COBL: variants seen among roughly 807,000 people sequenced by gnomAD.
COBL encodes the protein protein cordon-bleu.
In COBL, 51 loss-of-function variants were observed where a neutral mutation model predicts 98.8. The ratio of observed to expected loss-of-function variants is 0.52; its 90% CI spans 0.41 to 0.65. The LOEUF (loss-of-function observed/expected upper bound fraction) is 0.65, where lower values mean the gene tolerates loss of function less well. Ranked by LOEUF, COBL falls within the 30% of genes least tolerant of loss-of-function variation. The pLI is 0.00. For missense variants in COBL, 1,617 were observed against 1,617.5 expected (o/e 1.00, Z 0.01); for synonymous variants, 634 against 651.7 (o/e 0.97, Z 0.41).
intron 7 of COBL, among the ~76,000 whole-genome samples, chr7:51,054,919 C>A (rs779814464): frequency 6.6e-6 from 1 of 152,204 alleles, no homozygotes; most frequent in African/African-American, 2.4e-5. Context: ...CAGCCTTCCT[C>A]GTTTCAGCAG....
chr7:51,109,442 C>T (rs767357874), intron 6 of COBL, among the ~76,000 whole-genome samples: 1 of 152,144 alleles, frequency 6.6e-6, no homozygotes, highest in Admixed American at 6.5e-5. Context: ...CCATCTCGCT[C>T]GCCACCTTCA....
chr7:51,049,134 G>A (rs535881762), intron 7 of COBL, among the ~76,000 whole-genome samples: 1 of 152,208 alleles, frequency 6.6e-6, no homozygotes, highest in African/African-American at 2.4e-5. Context: ...AACTCAGTTA[G>A]ATCCTTTGTC....
chr7:51,267,706 TG>T (rs1798355269), intron 1 of COBL, among the ~76,000 whole-genome samples: 1 of 151,988 alleles, frequency 6.6e-6, no homozygotes, highest in African/African-American at 2.4e-5. Context: ...TCCAAGAAGC[TG>T]GGATTACAGG....
intron 1 of COBL, among the ~76,000 whole-genome samples, chr7:51,248,392 C>A (rs987548457): frequency 2.6e-5 from 4 of 152,052 alleles, no homozygotes; most frequent in African/African-American, 9.7e-5. Flanking sequence ...CTTTGCAGTT[C>A]CTCAAGGAGA....
At chr7:51,124,345 C>T (rs1798009113) in intron 6 of COBL, among the ~76,000 whole-genome samples, 1 of 152,042 alleles carries the variant, frequency 6.6e-6, no homozygotes, top group Non-Finnish European at 1.5e-5. Flanking sequence ...TGGAGATTAG[C>T]AATCTCCAAT....
chr7:51,186,480 G>A lies in COBL; in HGVS notation c.686-2281C>T, dbSNP rs575121224. On this transcript the variant is annotated intron_variant, in intron 4 of 12. Transcript: ENST00000265136. ...TATTACACCGACCACAGAAAGGACAGACTGCATCAGAAAACTGCAATGAGA... is the reference window on the plus strand; with the variant it reads ...TATTACACCGACCACAGAAAGGACAAACTGCATCAGAAAACTGCAATGAGA... Among the ~76,000 whole-genome samples, 3 of 152,330 alleles carry A rather than the reference G, an allele frequency of 2.0e-5. No homozygotes were observed. In the East Asian group the frequency reaches 5.8e-4, roughly 29 times the overall value.
At chr7:51,046,221 C>T (rs1053844013) in intron 7 of COBL, among the ~76,000 whole-genome samples, 1 of 152,162 alleles carries the variant, frequency 6.6e-6, no homozygotes, top group Non-Finnish European at 1.5e-5. Context: ...CCAGGCAGAC[C>T]TCCCCACAGT....
intron 3 of COBL, 80 bp downstream of exon 3, chr7:51,193,299 A>G (rs1790290492): frequency 7.8e-7 from 1 of 1,285,036 alleles, no homozygotes; most frequent in African/African-American, 1.5e-5. Flanking sequence ...CTGTACTTTG[A>G]TAAGAAGAGC....
intron 1 of COBL, among the ~76,000 whole-genome samples, chr7:51,279,188 A>C (rs536278582): frequency 6.6e-6 from 1 of 152,218 alleles, no homozygotes; most frequent in Non-Finnish European, 1.5e-5. Context: ...TTCATCATGA[A>C]GTTTCAGCAT....
At chr7:51,075,411 A>G (rs1287692150) in intron 7 of COBL, among the ~76,000 whole-genome samples, 1 of 152,216 alleles carries the variant, frequency 6.6e-6, no homozygotes, top group Non-Finnish European at 1.5e-5. Flanking sequence ...TATTTTTACT[A>G]TTCTAAAGCA....
rs922504234 is a variant in COBL at position 51,313,805 on chromosome 7, G to C, written c.41+2788C>G. Among the ~76,000 whole-genome samples the C allele has an allele frequency of 2.6e-5, 4 of 152,210 alleles. 1 individual carries two copies. The highest frequency in any genetic ancestry group is 4.4e-5 in the Non-Finnish European group (3 of 68,038). ...GCAAAGTAAACAGATAAAGTAGAGA[G>C]TTAAATATACTTCAAAACCTCACCA... On this transcript the variant is annotated intron_variant, in intron 1 of 12. Transcript: ENST00000265136.
At position 51,263,622 on chromosome 7, in the gene COBL, G is replaced by A. The variant is rs370998872; in HGVS notation, c.42-43678C>T. ...CCACACCTGAGTGCTTTTAGTTGAA[G>A]CTTTAGTACCTGGGAGGATGAAGAG... On this transcript the variant is annotated intron_variant, in intron 1 of 12. Coordinates refer to ENST00000265136, the MANE Select transcript of COBL (RefSeq NM_015198.5). Among the ~76,000 whole-genome samples, 6 of 152,146 alleles carry A rather than the reference G, an allele frequency of 3.9e-5. No homozygotes were observed. The East Asian group carries it at 1.2e-3, about 29-fold the overall frequency.
At chr7:51,225,631 T>C (rs1794108251) in intron 1 of COBL, among the ~76,000 whole-genome samples, 1 of 152,212 alleles carries the variant, frequency 6.6e-6, no homozygotes, top group Non-Finnish European at 1.5e-5. Context: ...AAAGTATATA[T>C]ATGAAAACAT....
intron 1 of COBL, among the ~76,000 whole-genome samples, chr7:51,231,141 T>A (rs1794704602): frequency 6.6e-6 from 1 of 152,198 alleles, no homozygotes; most frequent in African/African-American, 2.4e-5. Flanking sequence ...TAGGCAAAAA[T>A]TAAGTAATTT....
intron 7 of COBL, among the ~76,000 whole-genome samples, chr7:51,076,539 A>C (rs1437491): frequency 0.94 from 142,864 of 152,306 alleles, 67,182 homozygotes; most frequent in Non-Finnish European, 0.96. Context: ...GTAAATCATT[A>C]TTATTATTAT....
intron 4 of COBL, chr7:51,187,921 G>A: frequency 1.6e-6 from 2 of 1,232,468 alleles, no homozygotes; most frequent in Non-Finnish European, 1.0e-6. Flanking sequence ...TACCTTGACA[G>A]CTCAGGGAAG....
At chr7:51,236,945 G>A (rs1795314153) in intron 1 of COBL, among the ~76,000 whole-genome samples, 1 of 152,202 alleles carries the variant, frequency 6.6e-6, no homozygotes, top group Non-Finnish European at 1.5e-5. Context: ...GAGCTTGACA[G>A]GGCTGTGTGG....
At chr7:51,113,386 AT>A (rs1332693940) in intron 6 of COBL, among the ~76,000 whole-genome samples, 5 of 152,238 alleles carry the variant, frequency 3.3e-5, no homozygotes, top group African/African-American at 1.2e-4. Context: ...GCTATTGTTT[AT>A]AAAGTGTCCA....
At chr7:51,259,809 CAA>C (rs1430896727) in intron 1 of COBL, 1 of 752,466 alleles carries the variant, frequency 1.3e-6, no homozygotes, top group East Asian at 2.4e-5. Flanking sequence ...GTGACTTTTA[CAA>C]AGATACCACT....
Sources: gnomAD v4.1 joint callset for allele counts (sites outside exome capture counted in the v4.1 genomes callset) on GRCh38, gnomAD v4.1.1 for gene constraint, MANE v1.5 for transcripts, NCBI Gene and HGNC (gene_info 2026-07-23, HGNC 2026-07-21) for gene names.